PASD1: variants seen among roughly 807,000 people sequenced by gnomAD.
The protein encoded by PASD1 is PAS domain containing repressor 1.
In PASD1, 13 loss-of-function variants were observed where a neutral mutation model predicts 58.8. The ratio of observed to expected loss-of-function variants is 0.22; its 90% CI spans 0.14 to 0.35. The LOEUF is 0.35. Among genes scored for constraint, PASD1 ranks in the 10% least tolerant of loss-of-function variants. The pLI is 1.00. For missense variants in PASD1, 734 were observed against 568.3 expected, an observed-to-expected ratio of 1.29 and a Z score of -2.96; for synonymous variants, 236 against 216.7, an observed-to-expected ratio of 1.09 and a Z score of -0.78.
At chrX:151,580,814 G>T (rs1001777712) in intron 1 of PASD1, among the ~76,000 whole-genome samples, 13 of 110,373 alleles carry the variant, frequency 1.2e-4, no homozygotes, top group Admixed American at 3.9e-4. Context: ...TCAAGGTAGT[G>T]AGTTTTTAAA....
At chrX:151,641,993 A>C (rs2014004579) in intron 8 of PASD1, among the ~76,000 whole-genome samples, 1 of 112,465 alleles carries the variant, frequency 8.9e-6, no homozygotes, top group African/African-American at 3.2e-5. Flanking sequence ...CCCTCACATC[A>C]AAAAAGACAG....
At chrX:151,673,312 A>G (rs2124321514) in intron 14 of PASD1, 1 of 116,978 alleles carries the variant, frequency 8.5e-6, no homozygotes, top group East Asian at 2.7e-4. Context: ...GGGGCCCACT[A>G]AATAGTTTTG....
intron 1 of PASD1, among the ~76,000 whole-genome samples, chrX:151,585,545 T>C (rs1339663873): frequency 9.1e-6 from 1 of 110,087 alleles, no homozygotes; most frequent in Non-Finnish European, 1.9e-5. Flanking sequence ...GGAATTGAGG[T>C]GAAAGGGCCT....
intron 9 of PASD1, among the ~76,000 whole-genome samples, chrX:151,653,222 C>T (rs2014157205): frequency 1.9e-5 from 2 of 104,158 alleles, no homozygotes; most frequent in Admixed American, 1.0e-4. Flanking sequence ...GATAAAGTTT[C>T]GCCCTTGTCA....
At chrX:151,595,240 A>G (rs773607059) in intron 1 of PASD1, among the ~76,000 whole-genome samples, 7 of 111,459 alleles carry the variant, frequency 6.3e-5, no homozygotes, top group African/African-American at 2.0e-4. Context: ...GAATCTAGTT[A>G]CTTATATTTT....
At chrX:151,574,359 T>G (rs1379735563) in intron 1 of PASD1, among the ~76,000 whole-genome samples, 2 of 111,976 alleles carry the variant, frequency 1.8e-5, no homozygotes, top group Non-Finnish European at 3.8e-5. Context: ...TCAGACCACA[T>G]TCTGGCCTTG....
intron 4 of PASD1, among the ~76,000 whole-genome samples, chrX:151,612,278 C>T (rs1464270309): frequency 9.9e-6 from 1 of 100,541 alleles, no homozygotes; most frequent in South Asian, 4.6e-4. Flanking sequence ...AGTAAACATA[C>T]GAGTGCGTGT....
intron 1 of PASD1, among the ~76,000 whole-genome samples, chrX:151,565,612 C>T (rs1471424234): frequency 1.0e-5 from 1 of 98,499 alleles, no homozygotes; most frequent in Non-Finnish European, 2.0e-5. Flanking sequence ...GGCTGGAGTG[C>T]AGTGGCGTGA....
At chrX:151,641,815 TACACAC>T (rs748009729) in intron 8 of PASD1, among the ~76,000 whole-genome samples, 23,334 of 104,504 alleles carry the variant, frequency 0.22, 2,027 homozygotes, top group Non-Finnish European at 0.26. Context: ...CACGCGTACT[TACACAC>T]ACACACACAC....
rs1317303557 is a variant in PASD1 at position 151,671,324 on chromosome X, G to A, written c.1230+128G>A. On this transcript the variant is annotated intron_variant, in intron 12 of 15. Transcript: ENST00000370357. ...GTGTCTGCCGGTAGTGACAGCTGCTGCCCACAGGGTGATATGGGATATCTA... is the reference window on the plus strand; with the variant it reads ...GTGTCTGCCGGTAGTGACAGCTGCTACCCACAGGGTGATATGGGATATCTA... 3.7e-5 allele frequency: 30 copies of A among 820,376 alleles called. No homozygotes were observed. In the East Asian group the frequency reaches 5.1e-4, roughly 14 times the overall value. 67.6% of individuals were successfully genotyped at this position (820,376 alleles called of 1,213,427 possible). A position where few individuals can be genotyped will look rare whatever the true frequency, so the allele number is the denominator to read the frequency against.
chrX:151,662,816 A>G (rs2014328062), intron 10 of PASD1, among the ~76,000 whole-genome samples: 1 of 112,191 alleles, frequency 8.9e-6, no homozygotes, highest in South Asian at 3.7e-4. Flanking sequence ...AAGTAGTTTC[A>G]CAATTGCTAA....
At chrX:151,567,088 A>G (rs2012857053) in intron 1 of PASD1, among the ~76,000 whole-genome samples, 1 of 104,278 alleles carries the variant, frequency 9.6e-6, no homozygotes, top group African/African-American at 3.7e-5. Flanking sequence ...AAATAAATAA[A>G]TAAATAAAAT....
chrX:151,623,025 T>C lies in PASD1; in HGVS notation c.507T>C (p.Leu169=), dbSNP rs756167624. 4 of 1,207,684 alleles carry C rather than the reference T, an allele frequency of 3.3e-6. No individual in the cohort carries two copies. The Admixed American group carries it at 6.6e-5, about 20-fold the overall frequency. The change falls in exon 7 of 16, where the codon CTT becomes CTC. Residue 169 remains leucine, a synonymous_variant. Transcript: ENST00000370357. ...TTCCTCAGGAGGATCGGCTTTATCTTGTGGGAAATGTTTGCATTCTCAGGA... is the reference window on the plus strand; with the variant it reads ...TTCCTCAGGAGGATCGGCTTTATCTCGTGGGAAATGTTTGCATTCTCAGGA... ...ACVPQEDRLY[L]VGNVCILRTQ...
In PASD1 at chrX:151,628,886, C is replaced by T. The variant is rs752727022; in HGVS notation, c.629+3356C>T. Among the ~76,000 whole-genome samples the T allele has an allele frequency of 2.0e-4, 22 of 111,307 alleles. No individual in the cohort carries two copies. The East Asian group carries it at 6.3e-3, about 32-fold the overall frequency. On this transcript the variant is annotated intron_variant, in intron 8 of 15. Transcript: ENST00000370357. ...TTTCATTGAGCAGTGGTTTGTAGTT[C>T]TCCTTGAAGAGGTCCTTCACATCCC...
At chrX:151,573,255 G>A (rs1269003741) in intron 1 of PASD1, among the ~76,000 whole-genome samples, 2 of 110,737 alleles carry the variant, frequency 1.8e-5, no homozygotes, top group Non-Finnish European at 3.8e-5. Context: ...CCCAACCTCG[G>A]GGATTACAAT....
intron 3 of PASD1, among the ~76,000 whole-genome samples, chrX:151,606,368 G>A (rs2013489235): frequency 9.0e-6 from 1 of 110,777 alleles, no homozygotes; most frequent in Non-Finnish European, 1.9e-5. Context: ...GAAAGAAAGC[G>A]GGGTTTGGAG....
rs141268149 is a variant in PASD1 at position 151,640,337 on chromosome X, A to G, written c.630-8278A>G. 8.1e-3 allele frequency among the ~76,000 whole-genome samples: 913 copies of G among 112,583 alleles called. 7 individuals carry two copies. Among genetic ancestry groups the G allele is most frequent in the African/African-American group, 0.028 (855 of 31,003 alleles). On this transcript the variant is annotated intron_variant, in intron 8 of 15. Coordinates refer to ENST00000370357, the MANE Select transcript of PASD1 (RefSeq NM_173493.3). Reference sequence around the variant, plus strand: ...TCATTTTGACTGAATAGTGACAAATATTAATTCATAAAATAGTTTTTAGAC... The same window carrying G: ...TCATTTTGACTGAATAGTGACAAATGTTAATTCATAAAATAGTTTTTAGAC...
intron 8 of PASD1, among the ~76,000 whole-genome samples, chrX:151,627,367 C>G (rs2013802080): frequency 1.8e-5 from 2 of 108,807 alleles, no homozygotes. Flanking sequence ...CCCCCCACCC[C>G]ACAACAGGCC....
chrX:151,656,990 G>A (rs747784850), intron 9 of PASD1, among the ~76,000 whole-genome samples: 1 of 111,535 alleles, frequency 9.0e-6, no homozygotes, highest in African/African-American at 3.3e-5. Context: ...TATTGGCTGT[G>A]GGTTTGTCAT....
Sources: allele counts gnomAD v4.1 joint callset (sites outside exome capture counted in the v4.1 genomes callset), GRCh38; gene constraint gnomAD v4.1.1; transcripts MANE v1.5; gene names NCBI Gene and HGNC (gene_info 2026-07-23, HGNC 2026-07-21).